The following MCF2L2 variants were observed in gnomAD, a reference collection of about 807,000 sequenced individuals.
The protein encoded by MCF2L2 is MCF.2 cell line derived transforming sequence-like 2, also known as probable guanine nucleotide exchange factor MCF2L2.
Under a neutral mutation model 150.2 loss-of-function variants are expected in MCF2L2, and 102 were observed. The observed-to-expected ratio is 0.68, with a 90% CI of 0.58 to 0.80. The LOEUF (loss-of-function observed/expected upper bound fraction) is 0.80, where lower values mean the gene tolerates loss of function less well. MCF2L2 is among the 30% of genes least tolerant of loss of function. The pLI, the probability that MCF2L2 is intolerant of heterozygous loss-of-function variation, is 0.00. For missense variants in MCF2L2, 1,256 were observed against 1,372.8 expected (o/e 0.91, Z 1.34); for synonymous variants, 465 against 491.3 (o/e 0.95, Z 0.71).
At chr3:183,388,633 C>G (rs907760938) in intron 2 of MCF2L2, among the ~76,000 whole-genome samples, 1 of 152,142 alleles carries the variant, frequency 6.6e-6, no homozygotes, top group African/African-American at 2.4e-5. Flanking sequence ...AAAAGGAGGA[C>G]CCTGTATTTA....
At position 183,395,343 on chromosome 3, in the gene MCF2L2, TAAAA is replaced by T. The variant is rs550036762; in HGVS notation, c.77-5568_77-5565del. Among the ~76,000 whole-genome samples the T allele has an allele frequency of 4.0e-3, 607 of 152,250 alleles. 5 individuals are homozygous for T. The highest frequency in any genetic ancestry group is 0.011 in the African/African-American group (477 of 41,528). On this transcript the variant is annotated intron_variant, in intron 1 of 29. Transcript: ENST00000328913. ...AAGTGGTGAGATTATAGTCAGATTTTAAAAAAGAAAGAAAAAACCAAGCGTGTGA... is the reference window on the plus strand; with the variant it reads ...AAGTGGTGAGATTATAGTCAGATTTTAAGAAAGAAAAAACCAAGCGTGTGA...
intron 5 of MCF2L2, among the ~76,000 whole-genome samples, chr3:183,329,649 T>C (rs1730188364): frequency 6.6e-6 from 1 of 152,208 alleles, no homozygotes; most frequent in South Asian, 2.1e-4. Context: ...CCCAACTGTT[T>C]TATGCTAAGT....
At chr3:183,334,768 G>A (rs1477279235) in intron 5 of MCF2L2, among the ~76,000 whole-genome samples, 1 of 147,362 alleles carries the variant, frequency 6.8e-6, no homozygotes, top group Non-Finnish European at 1.5e-5. Flanking sequence ...ACTCCAGCCT[G>A]GGCGACAAGA....
At chr3:183,260,400 G>A (rs1221366784) in intron 15 of MCF2L2, among the ~76,000 whole-genome samples, 3 of 152,142 alleles carry the variant, frequency 2.0e-5, no homozygotes, top group African/African-American at 4.8e-5. Flanking sequence ...GCAAGCAACC[G>A]TGTCAGCCCA....
At position 183,300,109 on chromosome 3, in the gene MCF2L2, G is replaced by A. The variant is rs202029920; in HGVS notation, c.1201C>T (p.Arg401Trp). ...CAGAGGTGCCTGAGCTCCACACACCGGGGCCTGATGGCATCTGCTGCATAA... is the reference window on the plus strand; with the variant it reads ...CAGAGGTGCCTGAGCTCCACACACCAGGGCCTGATGGCATCTGCTGCATAA... Reference protein sequence around the residue: ...HHYAADAIRPRCVELRHLCDD... With the variant: ...HHYAADAIRPWCVELRHLCDD... The change falls in exon 11 of 30, where the codon CGG (arginine) becomes TGG (tryptophan). Residue 401 changes from arginine (R) to tryptophan (W), a missense_variant. Coordinates refer to ENST00000328913, the MANE Select transcript of MCF2L2 (RefSeq NM_015078.4). 244 of 1,613,642 alleles carry A rather than the reference G, an allele frequency of 1.5e-4. No homozygotes were observed. In the Middle Eastern group the frequency reaches 4.0e-3, roughly 26 times the overall value.
chr3:183,297,979 T>G (rs1052113622), intron 11 of MCF2L2: 1 of 152,222 alleles, frequency 6.6e-6, no homozygotes, highest in South Asian at 2.1e-4. Context: ...GGCCCTTACA[T>G]TTCCTGGGAG....
At chr3:183,244,666 T>C (rs1002355188) in intron 15 of MCF2L2, among the ~76,000 whole-genome samples, 3 of 152,238 alleles carry the variant, frequency 2.0e-5, no homozygotes, top group Admixed American at 1.3e-4. Flanking sequence ...AAAACAGAAG[T>C]AGAAATAGAA....
intron 3 of MCF2L2, chr3:183,377,008 T>C (rs1036206485): frequency 6.6e-6 from 1 of 152,218 alleles, no homozygotes; most frequent in African/African-American, 2.4e-5. Flanking sequence ...TTAACTTAAA[T>C]AGTCAATATT....
chr3:183,279,969 G>A (rs1374113029), intron 14 of MCF2L2, among the ~76,000 whole-genome samples: 1 of 151,972 alleles, frequency 6.6e-6, no homozygotes, highest in African/African-American at 2.4e-5. Context: ...TGGAGGTTGA[G>A]TGAACCAAGA....
intron 6 of MCF2L2, 96 bp downstream of exon 6, chr3:183,323,139 C>G: frequency 1.2e-6 from 1 of 828,830 alleles, no homozygotes; most frequent in East Asian, 2.7e-5. Flanking sequence ...CAGGCAGTCA[C>G]AGGGTGACCT....
Position 183,297,110 on chromosome 3 carries a change from A to G in MCF2L2, c.1363T>C (p.Cys455Arg). 2 of 1,614,102 alleles carry G rather than the reference A, an allele frequency of 1.2e-6. No individual in the cohort carries two copies. Among genetic ancestry groups the G allele is most frequent in the Non-Finnish European group, 8.5e-7 (1 of 1,180,004 alleles). Residue 455 changes from cysteine (C) to arginine (R), a missense_variant, in exon 12 of 30, where the codon TGC (cysteine) becomes CGC (arginine). Physicochemically the swap from Cys to Arg is radical, Grantham distance 180. Coordinates refer to ENST00000328913, the MANE Select transcript of MCF2L2 (RefSeq NM_015078.4). ...YLLASQAVDK[C>R]QSREGVDIAL... Reference sequence around the variant, plus strand: ...ATATCAACCCCTTCTCGAGACTGGCACTTGTCTACAGCTTGGGAAGCCAAG... The same window carrying G: ...ATATCAACCCCTTCTCGAGACTGGCGCTTGTCTACAGCTTGGGAAGCCAAG...
intron 3 of MCF2L2, among the ~76,000 whole-genome samples, chr3:183,361,070 CAG>C (rs112059766): frequency 1.7e-4 from 19 of 109,144 alleles, no homozygotes; most frequent in African/African-American, 7.8e-4. Flanking sequence ...CCAGATAAGA[CAG>C]AAGAGAAGAC....
intron 1 of MCF2L2, among the ~76,000 whole-genome samples, chr3:183,414,627 G>A (rs1370641333): frequency 2.6e-5 from 4 of 152,036 alleles, no homozygotes; most frequent in Non-Finnish European, 5.9e-5. Flanking sequence ...TTTTCCTAGT[G>A]TCTTCAGTGT....
intron 1 of MCF2L2, among the ~76,000 whole-genome samples, chr3:183,401,914 CAT>C (rs1290912623): frequency 2.0e-5 from 3 of 152,112 alleles, no homozygotes; most frequent in African/African-American, 7.2e-5. Flanking sequence ...TGTGTGTAGA[CAT>C]GTTTACCTTT....
chr3:183,207,362 T>G (rs1239731637), intron 23 of MCF2L2, among the ~76,000 whole-genome samples: 5 of 152,176 alleles, frequency 3.3e-5, no homozygotes, highest in South Asian at 2.1e-4. Flanking sequence ...ACTAATTAGT[T>G]TGTCCAGACT....
intron 15 of MCF2L2, chr3:183,271,687 T>C (rs1327696730): frequency 1.2e-5 from 2 of 167,050 alleles, no homozygotes; most frequent in African/African-American, 4.8e-5. Context: ...GCTCATAGGG[T>C]CCTTCTCTAG....
chr3:183,311,573 T>G (rs920669713), intron 8 of MCF2L2, 75 bp downstream of exon 8: 4 of 1,539,608 alleles, frequency 2.6e-6, no homozygotes, highest in Admixed American at 1.9e-5. Context: ...TGTTCCAATC[T>G]GTTCTTGGTT....
chr3:183,272,339 C>T (rs929049144), intron 15 of MCF2L2: 41 of 999,972 alleles, frequency 4.1e-5, no homozygotes, highest in Non-Finnish European at 4.9e-5. Flanking sequence ...GCAAGAGTGA[C>T]TGAACTCACT....
chr3:183,194,955 T>C (rs545459169), intron 26 of MCF2L2, among the ~76,000 whole-genome samples: 1 of 151,792 alleles, frequency 6.6e-6, no homozygotes, highest in East Asian at 1.9e-4. Flanking sequence ...ATTTTTGTAT[T>C]TTTTTTTGTT....
Sources: allele counts gnomAD v4.1 joint callset (sites outside exome capture counted in the v4.1 genomes callset), GRCh38; gene constraint gnomAD v4.1.1; transcripts MANE v1.5; gene names NCBI Gene and HGNC (gene_info 2026-07-23, HGNC 2026-07-21).